Variants in EPHA5 observed in about 807,000 individuals in gnomAD.
The protein encoded by EPHA5 is ephrin type-A receptor 5.
EPHA5 carries 60 observed loss-of-function variants against 105.0 expected under a neutral mutation model. The ratio of observed to expected loss-of-function variants is 0.57; its 90% confidence interval spans 0.46 to 0.71. The LOEUF (loss-of-function observed/expected upper bound fraction) is 0.71. Among genes scored for constraint, EPHA5 ranks in the 30% least tolerant of loss-of-function variants. EPHA5 has a pLI of 0.00. For synonymous variants in EPHA5, 513 were observed against 449.1 expected, an observed-to-expected ratio of 1.14 and a Z score of -1.80; for missense variants, 1,218 against 1,274.7, an observed-to-expected ratio of 0.96 and a Z score of 0.68.
intron 3 of EPHA5, among the ~76,000 whole-genome samples, chr4:65,570,365 T>C (rs1739997504): frequency 6.6e-6 from 1 of 151,918 alleles, no homozygotes; most frequent in South Asian, 2.1e-4. Flanking sequence ...GCATCTTCTT[T>C]CTGAATCTAT....
chr4:65,577,809 G>A (rs1490915785), intron 3 of EPHA5, among the ~76,000 whole-genome samples: 3 of 151,954 alleles, frequency 2.0e-5, no homozygotes, highest in Non-Finnish European at 4.4e-5. Flanking sequence ...AAGGTCAGAG[G>A]GAAAGTATGT....
intron 11 of EPHA5, among the ~76,000 whole-genome samples, chr4:65,357,477 C>A (rs948430540): frequency 6.6e-6 from 1 of 151,404 alleles, no homozygotes; most frequent in African/African-American, 2.4e-5. Context: ...CATAACTATT[C>A]AACCATTGAT....
intron 5 of EPHA5, among the ~76,000 whole-genome samples, chr4:65,446,177 T>C (rs1040035339): frequency 6.6e-6 from 1 of 152,180 alleles, no homozygotes; most frequent in East Asian, 1.9e-4. Context: ...TAACTACAGA[T>C]GTCTGCTTAA....
At chr4:65,572,756 C>T (rs190809121) in intron 3 of EPHA5, among the ~76,000 whole-genome samples, 1 of 152,174 alleles carries the variant, frequency 6.6e-6, no homozygotes, top group Non-Finnish European at 1.5e-5. Context: ...ACAAGCTGGG[C>T]GTGGTGGCTC....
intron 5 of EPHA5, among the ~76,000 whole-genome samples, chr4:65,475,007 C>G (rs1392303464): frequency 6.6e-6 from 1 of 151,998 alleles, no homozygotes; most frequent in Non-Finnish European, 1.5e-5. Flanking sequence ...TGAGTAAATG[C>G]TTTCACAGAT....
At chr4:65,482,866 T>C (rs1730512278) in intron 5 of EPHA5, among the ~76,000 whole-genome samples, 1 of 152,128 alleles carries the variant, frequency 6.6e-6, no homozygotes, top group East Asian at 1.9e-4. Context: ...GGATCTTTTT[T>C]TTTTATTATT....
intron 8 of EPHA5, among the ~76,000 whole-genome samples, chr4:65,393,449 C>T (rs969799156): frequency 3.9e-5 from 6 of 152,142 alleles, no homozygotes; most frequent in African/African-American, 1.4e-4. Flanking sequence ...TGACCATTTC[C>T]CCTTAGTGAC....
chr4:65,493,025 G>T (rs1348297474), intron 4 of EPHA5, among the ~76,000 whole-genome samples: 2 of 147,688 alleles, frequency 1.4e-5, no homozygotes, highest in South Asian at 2.1e-4. Context: ...AAAAATCCTT[G>T]CATTTAACAC....
At chr4:65,450,079 A>G (rs1429125048) in intron 5 of EPHA5, among the ~76,000 whole-genome samples, 6 of 152,212 alleles carry the variant, frequency 3.9e-5, no homozygotes, top group African/African-American at 9.6e-5. Flanking sequence ...GAAAAATGCA[A>G]AAGAGTCATG....
At chr4:65,471,073 C>T (rs1729238191) in intron 5 of EPHA5, among the ~76,000 whole-genome samples, 2 of 152,170 alleles carry the variant, frequency 1.3e-5, no homozygotes, top group Non-Finnish European at 2.9e-5. Flanking sequence ...TTTGTCTATA[C>T]ATTTGTTCTG....
At chr4:65,643,266 C>A in intron 2 of EPHA5, 97 bp downstream of exon 2, 4 of 985,698 alleles carry the variant, frequency 4.1e-6, no homozygotes, top group South Asian at 2.8e-5. Flanking sequence ...CCTGTCTTAA[C>A]AACATATACA....
intron 2 of EPHA5, 110 bp from the exon 3 acceptor site, chr4:65,602,414 T>G (rs1019241439): frequency 1.2e-6 from 1 of 802,944 alleles, no homozygotes; most frequent in Non-Finnish European, 1.9e-6. Flanking sequence ...AATATTCGTA[T>G]CCTCAATATG....
rs1172927277 is a variant in EPHA5, at chr4:65,323,651, A to G, written c.*463T>C. The G allele has an allele frequency of 8.7e-6, 2 of 230,442 alleles. No homozygotes were observed. The highest frequency in any genetic ancestry group is 4.4e-5 in the African/African-American group (2 of 45,114). 14.3% of individuals were successfully genotyped at this position (230,442 alleles called of 1,614,324 possible). A position where few individuals can be genotyped will look rare whatever the true frequency, so the allele number is the denominator to read the frequency against. The stretch of plus-strand genomic sequence containing the variant: ...AAATAATCTAATCATATTGCTCTTC[A>G]ATACACTTTTGTAGACAATTAAGAC... On this transcript the variant is annotated 3_prime_UTR_variant, in exon 17 of 17. Transcript: ENST00000613740.
intron 3 of EPHA5, among the ~76,000 whole-genome samples, chr4:65,504,035 A>G (rs1326581144): frequency 1.3e-5 from 2 of 151,582 alleles, no homozygotes; most frequent in African/African-American, 4.8e-5. Flanking sequence ...GTGTGTGTAC[A>G]TATAAATAAA....
chr4:65,381,802 A>C (rs1195090288), intron 8 of EPHA5, among the ~76,000 whole-genome samples: 1 of 151,720 alleles, frequency 6.6e-6, no homozygotes, highest in Non-Finnish European at 1.5e-5. Context: ...TTTTCTATCA[A>C]ACAGGTTTGA....
At chr4:65,451,183 T>A (rs1039378725) in intron 5 of EPHA5, among the ~76,000 whole-genome samples, 1 of 152,104 alleles carries the variant, frequency 6.6e-6, no homozygotes, top group African/African-American at 2.4e-5. Context: ...ATATCTTGCA[T>A]CACATACATT....
In EPHA5 at chr4:65,365,030, A is replaced by C. The variant is rs758032471; in HGVS notation, c.2160T>G (p.Gly720=). ...FDHPNIIHLE[G]VVTKSKPVMI... The stretch of plus-strand genomic sequence containing the variant: ...CATCATACTTACTTTTGGTCACCAC[A>C]CCTTCTAAATGGATGATGTTAGGAT... The change falls in exon 11 of 17, where the codon GGT becomes GGG. Residue 720 remains glycine, a synonymous_variant. Transcript: ENST00000613740. The C allele has an allele frequency of 3.7e-6, 6 of 1,610,730 alleles. No homozygotes were observed. The highest frequency in any genetic ancestry group is 4.5e-5 in the East Asian group (2 of 44,736).
intron 3 of EPHA5, among the ~76,000 whole-genome samples, chr4:65,576,960 A>G (rs1741120893): frequency 6.6e-6 from 1 of 152,140 alleles, no homozygotes; most frequent in African/African-American, 2.4e-5. Context: ...CTCCACATAG[A>G]GAAAGAGGAA....
chr4:65,619,856 C>G (rs571264249), intron 2 of EPHA5, among the ~76,000 whole-genome samples: 1 of 151,606 alleles, frequency 6.6e-6, no homozygotes, highest in Non-Finnish European at 1.5e-5. Flanking sequence ...CTGTTTTTCT[C>G]TTTTTCCTTA....
Sources: allele counts gnomAD v4.1 joint callset (sites outside exome capture counted in the v4.1 genomes callset), GRCh38; gene constraint gnomAD v4.1.1; transcripts MANE v1.5; gene names NCBI Gene and HGNC (gene_info 2026-07-23, HGNC 2026-07-21).